STXBP3: variants seen among roughly 807,000 people sequenced by gnomAD.
STXBP3 encodes the protein syntaxin binding protein 3.
A neutral mutation model predicts 85.7 loss-of-function variants in STXBP3; 41 were observed. That is an observed-to-expected ratio of 0.48 (90% confidence interval 0.37 to 0.62). The LOEUF (loss-of-function observed/expected upper bound fraction) is 0.62. Ranked by LOEUF, STXBP3 falls within the 20% of genes least tolerant of loss-of-function variation. The probability of loss-of-function intolerance (pLI) is 0.00; values close to 1 mark genes in which losing one functional copy is unlikely to be tolerated. For synonymous variants in STXBP3, 229 were observed against 231.7 expected (o/e 0.99, Z 0.10); for missense variants, 563 against 703.1 (o/e 0.80, Z 2.25).
Position 108,807,563 on chromosome 1 carries a change from TTTC to T in STXBP3, c.1684+20_1684+22del. On this transcript the variant is annotated intron_variant, in intron 18 of 18. Coordinates refer to ENST00000370008, the MANE Select transcript of STXBP3 (RefSeq NM_007269.4). ...AAGTTATTATTGGTAAGACTTTCAT[TTTC>T]TTCTTTTCTGTTTTTTTTTTTTTTT... 6.3e-7 allele frequency: 1 copy of T among 1,580,470 alleles called. No homozygotes were observed. The highest frequency in any genetic ancestry group is 8.5e-7 in the Non-Finnish European group (1 of 1,170,628).
chr1:108,782,473 C>A lies in STXBP3; in HGVS notation c.861C>A (p.Asp287Glu). 1 of 1,613,744 alleles carries A rather than the reference C, an allele frequency of 6.2e-7. No individual in the cohort carries two copies. Among genetic ancestry groups the A allele is most frequent in the Non-Finnish European group, 8.5e-7 (1 of 1,179,848 alleles). ...EKEAILEEED[D>E]LWVRIRHRHI... Reference sequence around the variant, plus strand: ...AGGCCATCCTTGAAGAAGAAGATGACCTCTGGGTTAGAATTCGACATCGAC... The same window carrying A: ...AGGCCATCCTTGAAGAAGAAGATGAACTCTGGGTTAGAATTCGACATCGAC... The change falls in exon 10 of 19, where the codon GAC becomes GAA. Residue 287 changes from aspartate (D) to glutamate (E), a missense_variant. Physicochemically the swap from Asp to Glu is conservative, Grantham distance 45. This residue lies in a region of STXBP3 where 494 missense variants were observed against 592.8 expected (regional missense o/e 0.83). Transcript: ENST00000370008.
At chr1:108,752,495 A>G (rs1172738971) in intron 2 of STXBP3, among the ~76,000 whole-genome samples, 189 bp downstream of exon 2, 1 of 152,166 alleles carries the variant, frequency 6.6e-6, no homozygotes, top group Non-Finnish European at 1.5e-5. Flanking sequence ...AAGAGATTTG[A>G]GCATCCATGG....
intron 11 of STXBP3, among the ~76,000 whole-genome samples, chr1:108,788,517 C>A (rs1300194888): frequency 6.6e-6 from 1 of 152,108 alleles, no homozygotes; most frequent in Non-Finnish European, 1.5e-5. Flanking sequence ...TGAAGCAGTT[C>A]AGGCATAGAG....
chr1:108,782,292 C>T, intron 9 of STXBP3, 130 bp from the exon 10 acceptor site: 1 of 644,870 alleles, frequency 1.6e-6, no homozygotes, highest in South Asian at 2.2e-5. Flanking sequence ...TATTCATTAC[C>T]CCCCTAAAAT....
intron 8 of STXBP3, among the ~76,000 whole-genome samples, chr1:108,777,192 C>G (rs2101120770): frequency 6.6e-6 from 1 of 152,094 alleles, no homozygotes; most frequent in Non-Finnish European, 1.5e-5. Flanking sequence ...TGCCAGGAAA[C>G]CACCAATTAC....
Position 108,779,311 on chromosome 1 carries a change from T to C in STXBP3, c.710T>C (p.Ile237Thr). The C allele has an allele frequency of 1.2e-6, 2 of 1,613,082 alleles. No homozygotes were observed. The highest frequency in any genetic ancestry group is 1.7e-6 in the Non-Finnish European group (2 of 1,179,376). ...IKGKTHSQLLIIDRGFDPVST... is the reference protein window; with the variant it reads ...IKGKTHSQLLTIDRGFDPVST... ...GGTAAAACTCATTCACAGCTCTTAA[T>C]AATTGATCGTGGCTTTGATCCTGTG... is the stretch of plus-strand genomic sequence containing the variant. Residue 237 changes from isoleucine (I) to threonine (T), a missense_variant, in exon 9 of 19, where the codon ATA becomes ACA. Ile to Thr is a moderately conservative substitution (Grantham distance 89). Transcript: ENST00000370008.
chr1:108,757,241 C>A (rs564975230), intron 4 of STXBP3, among the ~76,000 whole-genome samples: 1 of 152,118 alleles, frequency 6.6e-6, no homozygotes, highest in Non-Finnish European at 1.5e-5. Context: ...TGACCTAACT[C>A]ATACTTGATG....
chr1:108,802,242 C>A (rs1049335605), intron 17 of STXBP3, among the ~76,000 whole-genome samples: 1 of 151,814 alleles, frequency 6.6e-6, no homozygotes, highest in Admixed American at 6.6e-5. Flanking sequence ...ACTAAAAATA[C>A]AAAAATTAGC....
chr1:108,806,296 A>G (rs1223484528), intron 17 of STXBP3, among the ~76,000 whole-genome samples: 1 of 152,178 alleles, frequency 6.6e-6, no homozygotes, highest in Non-Finnish European at 1.5e-5. Flanking sequence ...GGTACTGGAT[A>G]TGTGGCTAAG....
chr1:108,793,814 C>T (rs1663029851), intron 12 of STXBP3, among the ~76,000 whole-genome samples, 167 bp downstream of exon 12: 1 of 152,202 alleles, frequency 6.6e-6, no homozygotes, highest in Non-Finnish European at 1.5e-5. Flanking sequence ...TAAGCTTCTT[C>T]ATAACTTCTC....
intron 11 of STXBP3, among the ~76,000 whole-genome samples, chr1:108,793,187 C>T (rs1188363500): frequency 2.9e-5 from 2 of 69,390 alleles, no homozygotes; most frequent in Non-Finnish European, 5.3e-5. Flanking sequence ...TTTTTTTGCA[C>T]CCAGGGAGAT....
At chr1:108,800,042 A>G (rs1663199705) in intron 16 of STXBP3, among the ~76,000 whole-genome samples, 178 bp from the exon 17 acceptor site, 1 of 152,186 alleles carries the variant, frequency 6.6e-6, no homozygotes, top group South Asian at 2.1e-4. Flanking sequence ...TAATAAGTAA[A>G]TGATTTCACT....
intron 18 of STXBP3, 48 bp from the exon 19 acceptor site, chr1:108,808,735 A>G (rs770377540): frequency 6.9e-7 from 1 of 1,444,086 alleles, no homozygotes; most frequent in Non-Finnish European, 9.7e-7. Flanking sequence ...AGCGAAGGAA[A>G]ATTGATTTAA....
intron 11 of STXBP3, among the ~76,000 whole-genome samples, chr1:108,784,922 C>T (rs1442007986): frequency 6.6e-6 from 1 of 152,198 alleles, no homozygotes; most frequent in Non-Finnish European, 1.5e-5. Flanking sequence ...CCTTTGACTC[C>T]GTGTCTCACA....
At chr1:108,760,108 A>G (rs1418016250) in intron 6 of STXBP3, 23 bp downstream of exon 6, 1 of 1,435,288 alleles carries the variant, frequency 7.0e-7, no homozygotes, top group Non-Finnish European at 9.4e-7. Flanking sequence ...TTTATTTTTT[A>G]GTTCATGAGA....
At chr1:108,806,979 C>T (rs564967337) in intron 17 of STXBP3, among the ~76,000 whole-genome samples, 8 of 152,178 alleles carry the variant, frequency 5.3e-5, no homozygotes, top group Admixed American at 1.3e-4. Context: ...TTGGGCCGGG[C>T]GCGGTGGCTT....
chr1:108,772,730 G>A lies in STXBP3; in HGVS notation c.504G>A (p.Lys168=). The part of the protein sequence containing the change: ...YCYSPDPGNA[K]GKDAIMETMA... ...ATAGTCCAGACCCTGGTAATGCAAAGGGAAAAGATGCCATTATGGAAACAA... is the reference window on the plus strand; with the variant it reads ...ATAGTCCAGACCCTGGTAATGCAAAAGGAAAAGATGCCATTATGGAAACAA... The change falls in exon 7 of 19, where the codon AAG becomes AAA. Residue 168 remains lysine (K), a synonymous_variant. Transcript: ENST00000370008. 5 of 1,604,170 alleles carry A rather than the reference G, an allele frequency of 3.1e-6. No homozygotes were observed. Among genetic ancestry groups the A allele is most frequent in the Non-Finnish European group, 3.4e-6 (4 of 1,174,928 alleles).
intron 5 of STXBP3, among the ~76,000 whole-genome samples, chr1:108,759,779 T>C (rs1662095737): frequency 6.6e-6 from 1 of 152,182 alleles, no homozygotes; most frequent in Admixed American, 6.5e-5. Flanking sequence ...TGGATGTGAA[T>C]GGGAAAGATG....
rs1663114142 is a variant in STXBP3 at position 108,796,804 on chromosome 1, T to TA, written c.1356+79dup. On this transcript the variant is annotated intron_variant, in intron 15 of 18. Transcript: ENST00000370008. ...GTATGTATTAACTGTTTTTTTTTTTTATGTGGACAGTCTTCTTAAGTTCAC... is the reference window on the plus strand; with the variant it reads ...GTATGTATTAACTGTTTTTTTTTTTTAATGTGGACAGTCTTCTTAAGTTCAC... 9.6e-6 allele frequency: 9 copies of TA among 939,814 alleles called. No individual in the cohort carries two copies. In the South Asian group the frequency reaches 1.7e-4, roughly 18 times the overall value. 58.2% of individuals were successfully genotyped at this position (939,814 alleles called of 1,614,324 possible). A position where few individuals can be genotyped will look rare whatever the true frequency, so the allele number is the denominator to read the frequency against.
Sources: allele counts gnomAD v4.1 joint callset (sites outside exome capture counted in the v4.1 genomes callset), GRCh38; gene constraint gnomAD v4.1.1; regional missense constraint gnomAD v4.1.1; transcripts MANE v1.5; gene names NCBI Gene and HGNC (gene_info 2026-07-23, HGNC 2026-07-21).